PLEKHA3: variants seen among roughly 807,000 people sequenced by gnomAD.
PLEKHA3 encodes the protein pleckstrin homology domain-containing family A member 3.
PLEKHA3 carries 19 observed loss-of-function variants against 39.2 expected under a neutral mutation model. The ratio of observed to expected loss-of-function variants is 0.48; its 90% CI spans 0.34 to 0.71. The LOEUF (loss-of-function observed/expected upper bound fraction) is 0.71, where lower values mean the gene tolerates loss of function less well. Ranked by LOEUF, PLEKHA3 falls within the 30% of genes least tolerant of loss-of-function variation. The probability of loss-of-function intolerance (pLI) is 0.01; values close to 1 mark genes in which losing one functional copy is unlikely to be tolerated. For missense variants in PLEKHA3, 253 were observed against 359.5 expected (o/e 0.70, Z 2.40); for synonymous variants, 97 against 118.6 (o/e 0.82, Z 1.18).
In PLEKHA3 at chr2:178,516,069, T is replaced by TATATATATACATAC. The variant is rs1165140813; in HGVS notation, c.*12196_*12209dup. The stretch of plus-strand genomic sequence containing the variant: ...ATATATGTGTATATACACATACATA[T>TATATATATACATAC]ATATATATACATACATATATATACA... On this transcript the variant is annotated 3_prime_UTR_variant, in exon 8 of 8. Coordinates refer to ENST00000234453, the MANE Select transcript of PLEKHA3 (RefSeq NM_019091.4). The TATATATATACATAC allele has an allele frequency of 6.6e-6, 1 of 151,192 alleles. No homozygotes were observed. Among genetic ancestry groups the TATATATATACATAC allele is most frequent in the Non-Finnish European group, 1.5e-5 (1 of 67,760 alleles). The allele number at this position is 151,192 out of a possible 1,614,324, so 9.4% of individuals were successfully genotyped here.
At chr2:178,493,400 A>G (rs775394668) in intron 3 of PLEKHA3, among the ~76,000 whole-genome samples, 3 of 152,230 alleles carry the variant, frequency 2.0e-5, no homozygotes, top group Non-Finnish European at 4.4e-5. Context: ...TGGATAAGGT[A>G]TTTGCAGTAT....
intron 3 of PLEKHA3, among the ~76,000 whole-genome samples, chr2:178,492,545 C>T (rs1360508727): frequency 6.6e-6 from 1 of 150,582 alleles, no homozygotes; most frequent in Non-Finnish European, 1.5e-5. Flanking sequence ...GTAGGTGCAG[C>T]GCACCAGCAT....
intron 2 of PLEKHA3, 90 bp from the exon 3 acceptor site, chr2:178,490,569 G>A: frequency 7.8e-7 from 1 of 1,283,126 alleles, no homozygotes; most frequent in African/African-American, 1.5e-5. Context: ...GGTATATGAA[G>A]CATCTGATAC....
At chr2:178,482,221 A>C (rs144297790) in intron 1 of PLEKHA3, among the ~76,000 whole-genome samples, 1 of 152,200 alleles carries the variant, frequency 6.6e-6, no homozygotes, top group South Asian at 2.1e-4. Context: ...GAGAGCAGTT[A>C]TACTGTTTGG....
chr2:178,501,946 C>T lies in PLEKHA3; in HGVS notation c.775+770C>T, dbSNP rs1685534752. The stretch of plus-strand genomic sequence containing the variant: ...TCCAATAGTTAGTTCATTTGTAAGT[C>T]AGTTGTTTGGAAAACAGATTTTATT... On this transcript the variant is annotated intron_variant, in intron 7 of 7. Transcript: ENST00000234453. 7.2e-5 allele frequency among the ~76,000 whole-genome samples: 11 copies of T among 151,990 alleles called. No individual in the cohort carries two copies. In the South Asian group the frequency reaches 2.3e-3, roughly 32 times the overall value.
intron 7 of PLEKHA3, among the ~76,000 whole-genome samples, chr2:178,502,792 T>TCTCA (rs1685544297): frequency 6.9e-6 from 1 of 144,600 alleles, no homozygotes. Flanking sequence ...AAAACTAGTC[T>TCTCA]CACACACACA....
At chr2:178,485,858 A>G in intron 2 of PLEKHA3, 101 bp downstream of exon 2, 2 of 792,898 alleles carry the variant, frequency 2.5e-6, no homozygotes, top group East Asian at 4.9e-5. Flanking sequence ...CCACGTAGGG[A>G]TCATCTAATA....
At chr2:178,489,371 A>T (rs1349842251) in intron 2 of PLEKHA3, among the ~76,000 whole-genome samples, 1 of 149,874 alleles carries the variant, frequency 6.7e-6, no homozygotes, top group Non-Finnish European at 1.5e-5. Context: ...CTTCTGCCAG[A>T]TTTTGCTGGG....
intron 3 of PLEKHA3, among the ~76,000 whole-genome samples, chr2:178,492,799 G>C (rs1685373363): frequency 6.6e-6 from 1 of 152,142 alleles, no homozygotes; most frequent in South Asian, 2.1e-4. Flanking sequence ...CTTCAGCTGG[G>C]GAAGATGAAG....
In PLEKHA3 at chr2:178,512,830, A is replaced by G. The variant is rs559518420; in HGVS notation, c.*8943A>G. On this transcript the variant is annotated 3_prime_UTR_variant, in exon 8 of 8. Coordinates refer to ENST00000234453, the MANE Select transcript of PLEKHA3 (RefSeq NM_019091.4). ...CCCACCCTTCCTCTTACTTTTTGAA[A>G]GCAATACCTGAGTTATTAAGCAATC... The G allele has an allele frequency of 6.5e-6, 1 of 153,878 alleles. No homozygotes were observed. The highest frequency in any genetic ancestry group is 1.9e-4 in the East Asian group (1 of 5,178). The allele number at this position is 153,878 out of a possible 1,614,324, so 9.5% of individuals were successfully genotyped here.
Position 178,503,756 on chromosome 2 carries a change from A to C in PLEKHA3, c.776-4A>C. On this transcript the variant is annotated splice_polypyrimidine_tract_variant and splice_region_variant and intron_variant, in intron 7 of 7. Transcript: ENST00000234453. Reference sequence around the variant, plus strand: ...GTTTAACGTTTTTATCAATGTCTTCATAGGACCTGTTCACTGTTCAAAAAA... The same window carrying C: ...GTTTAACGTTTTTATCAATGTCTTCCTAGGACCTGTTCACTGTTCAAAAAA... 2 of 1,590,190 alleles carry C rather than the reference A, an allele frequency of 1.3e-6. No individual in the cohort carries two copies. The highest frequency in any genetic ancestry group is 1.7e-6 in the Non-Finnish European group (2 of 1,164,422).
At chr2:178,488,853 GTTTAATTAGATA>G (rs1382602680) in intron 2 of PLEKHA3, 1 of 330,780 alleles carries the variant, frequency 3.0e-6, no homozygotes, top group African/African-American at 2.2e-5. Flanking sequence ...CATTAACTCT[GTTTAATTAGATA>G]TTTAATTTCT....
chr2:178,486,812 G>A (rs2154127599), intron 2 of PLEKHA3, among the ~76,000 whole-genome samples: 1 of 152,270 alleles, frequency 6.6e-6, no homozygotes, highest in African/African-American at 2.4e-5. Context: ...GGACTACAGT[G>A]ACTAAAGCTG....
rs1685692830 is a variant in PLEKHA3, at chr2:178,511,829, T to A, written c.*7942T>A. ...CACCGTGCCTGACCTGACCTCTCCA[T>A]CTTTGGCGTCCTTATGCTGCCTCTT... On this transcript the variant is annotated 3_prime_UTR_variant, in exon 8 of 8. Coordinates refer to ENST00000234453, the MANE Select transcript of PLEKHA3 (RefSeq NM_019091.4). The A allele has an allele frequency of 6.6e-6, 1 of 152,286 alleles. No homozygotes were observed. Among genetic ancestry groups the A allele is most frequent in the South Asian group, 2.1e-4 (1 of 4,830 alleles). 9.4% of individuals were successfully genotyped at this position (152,286 alleles called of 1,614,324 possible). A position where few individuals can be genotyped will look rare whatever the true frequency, so the allele number is the denominator to read the frequency against.
rs1163947813 is a variant in PLEKHA3 at position 178,499,194 on chromosome 2, T to G, written c.616-17T>G. The stretch of plus-strand genomic sequence containing the variant: ...ATGGATTATGCTAATTTTTTTTTTT[T>G]TTTCCAAAATTTCTAGATGAAGCGT... On this transcript the variant is annotated splice_polypyrimidine_tract_variant and intron_variant, in intron 5 of 7. Coordinates refer to ENST00000234453, the MANE Select transcript of PLEKHA3 (RefSeq NM_019091.4). The G allele has an allele frequency of 1.9e-6, 3 of 1,606,686 alleles. No homozygotes were observed. The highest frequency in any genetic ancestry group is 1.7e-5 in the Admixed American group (1 of 58,778).
At chr2:178,503,729 A>G (rs1410246200) in intron 7 of PLEKHA3, 31 bp from the exon 8 acceptor site, 1 of 1,605,474 alleles carries the variant, frequency 6.2e-7, no homozygotes, top group East Asian at 2.2e-5. Flanking sequence ...TATTGACAGG[A>G]TGTTTAACGT....
chr2:178,509,383 T>C lies in PLEKHA3; in HGVS notation c.*5496T>C, dbSNP rs1685648644. Reference sequence around the variant, plus strand: ...TGTGAGGATTAGAAGAATCAATTCATAAAAAGCAGTTAGAAAAGTGCTGGG... The same window carrying C: ...TGTGAGGATTAGAAGAATCAATTCACAAAAAGCAGTTAGAAAAGTGCTGGG... On this transcript the variant is annotated 3_prime_UTR_variant, in exon 8 of 8. Transcript: ENST00000234453. 2 of 152,176 alleles carry C rather than the reference T, an allele frequency of 1.3e-5. No individual in the cohort carries two copies. The highest frequency in any genetic ancestry group is 1.3e-4 in the Admixed American group (2 of 15,262). The allele number at this position is 152,176 out of a possible 1,614,324, so 9.4% of individuals were successfully genotyped here. A position where few individuals can be genotyped will look rare whatever the true frequency, so the allele number is the denominator to read the frequency against.
rs1435623021 is a variant in PLEKHA3, at chr2:178,508,048, T to TGG, written c.*4163_*4164dup. 16 of 94,594 alleles carry TGG rather than the reference T, an allele frequency of 1.7e-4. No individual in the cohort carries two copies. Among genetic ancestry groups the TGG allele is most frequent in the Admixed American group, 3.5e-4 (3 of 8,644 alleles). 5.9% of individuals were successfully genotyped at this position (94,594 alleles called of 1,614,324 possible). ...TTTAGAGATTTGTCTGCTTCAGTTC[T>TGG]GGGTGTGTGTGTGTGTGTGTGTGTG... is the stretch of plus-strand genomic sequence containing the variant. On this transcript the variant is annotated 3_prime_UTR_variant, in exon 8 of 8. Transcript: ENST00000234453.
intron 1 of PLEKHA3, chr2:178,482,007 C>A (rs567319087): frequency 6.5e-6 from 1 of 153,830 alleles, no homozygotes; most frequent in East Asian, 1.9e-4. Context: ...AAGCACTGAG[C>A]TACAGTTATA....
Sources: allele counts gnomAD v4.1 joint callset (sites outside exome capture counted in the v4.1 genomes callset), GRCh38; gene constraint gnomAD v4.1.1; transcripts MANE v1.5; gene names NCBI Gene and HGNC (gene_info 2026-07-23, HGNC 2026-07-21).